The following LAPTM4B variants were observed in gnomAD, a reference collection of about 807,000 sequenced individuals.
LAPTM4B encodes lysosomal-associated transmembrane protein 4B.
LAPTM4B carries 26 observed loss-of-function variants against 28.5 expected under a neutral mutation model. The ratio of observed to expected loss-of-function variants is 0.91; its 90% confidence interval spans 0.67 to 1.27. The LOEUF is 1.27. Among genes scored for constraint, LAPTM4B ranks in the 50% most tolerant of loss-of-function variants. The pLI, the probability that LAPTM4B is intolerant of heterozygous loss-of-function variation, is 0.00. For missense variants in LAPTM4B, 288 were observed against 285.8 expected (o/e 1.01, Z -0.06); for synonymous variants, 109 against 106.4 (o/e 1.02, Z -0.15).
intron 6 of LAPTM4B, among the ~76,000 whole-genome samples, chr8:97,843,455 T>C (rs1817382065): frequency 6.6e-6 from 1 of 152,252 alleles, no homozygotes. Context: ...CCAAAACTTA[T>C]ATTTAACAAA....
intron 1 of LAPTM4B, among the ~76,000 whole-genome samples, chr8:97,788,574 A>G (rs1198262516): frequency 1.3e-5 from 2 of 152,110 alleles, no homozygotes; most frequent in Non-Finnish European, 2.9e-5. Context: ...TAACACCCAA[A>G]GTACACAGCC....
Position 97,823,359 on chromosome 8 carries a change from T to G in LAPTM4B, c.508-1699T>G, listed in dbSNP as rs577848405. Among the ~76,000 whole-genome samples the G allele has an allele frequency of 2.5e-3, 97 of 38,798 alleles. 2 individuals are homozygous for G. In the South Asian group the frequency reaches 0.061, roughly 24 times the overall value. The allele number at this position is 38,798 out of a possible 152,430, so 25.5% of individuals were successfully genotyped here. On this transcript the variant is annotated intron_variant, in intron 5 of 6. Coordinates refer to ENST00000521545, the MANE Select transcript of LAPTM4B (RefSeq NM_018407.6). ...ATACAATATGGTTTTTTTTTTTGTT[T>G]TTTTTTTGTTGTTGTTGTTGTTGTT...
intron 2 of LAPTM4B, among the ~76,000 whole-genome samples, chr8:97,814,938 C>T (rs1221389422): frequency 1.3e-5 from 2 of 152,116 alleles, no homozygotes; most frequent in African/African-American, 2.4e-5. Context: ...CGTGATCGCC[C>T]TCCTCGGCCT....
intron 6 of LAPTM4B, among the ~76,000 whole-genome samples, chr8:97,832,676 T>TTTTTATTTTATTTTATTTTA (rs201546146): frequency 0.047 from 5,304 of 112,748 alleles, 192 homozygotes; most frequent in African/African-American, 0.11. Flanking sequence ...TATTTATTTA[T>TTTTTATTTTATTTTATTTTA]TTTTATTTTA....
rs116946034 is a variant in LAPTM4B, at chr8:97,784,343, A to G, written c.99+8235A>G. Reference sequence around the variant, plus strand: ...ATTGTAAAAGACTAAATAGTAGGCTAAAGAGTTTGGATTTTATTCTGTAGG... The same window carrying G: ...ATTGTAAAAGACTAAATAGTAGGCTGAAGAGTTTGGATTTTATTCTGTAGG... On this transcript the variant is annotated intron_variant, in intron 1 of 6. Transcript: ENST00000521545. 1.0e-3 allele frequency among the ~76,000 whole-genome samples: 156 copies of G among 152,326 alleles called. 2 individuals are homozygous for G. The East Asian group carries it at 0.027, about 27-fold the overall frequency.
rs766820122 is a variant in LAPTM4B at position 97,776,155 on chromosome 8, C to G, written c.99+47C>G. On this transcript the variant is annotated intron_variant, in intron 1 of 6. Coordinates refer to ENST00000521545, the MANE Select transcript of LAPTM4B (RefSeq NM_018407.6). Reference sequence around the variant, plus strand: ...CGGGACCCTGCGTTGCTTCCGCGCCCCTAGCTGGGCTTCTGGCCCGGCCTC... The same window carrying G: ...CGGGACCCTGCGTTGCTTCCGCGCCGCTAGCTGGGCTTCTGGCCCGGCCTC... The G allele has an allele frequency of 5.3e-6, 8 of 1,503,252 alleles. No homozygotes were observed. The South Asian group carries it at 9.6e-5, about 18-fold the overall frequency. 93.1% of individuals were successfully genotyped at this position (1,503,252 alleles called of 1,614,324 possible). A position where few individuals can be genotyped will look rare whatever the true frequency, so the allele number is the denominator to read the frequency against.
At position 97,775,879 on chromosome 8, in the gene LAPTM4B, G is replaced by T; in HGVS notation, c.-131G>T. On this transcript the variant is annotated 5_prime_UTR_variant, in exon 1 of 7. Coordinates refer to ENST00000521545, the MANE Select transcript of LAPTM4B (RefSeq NM_018407.6). ...CGGGGTATCGAGGAGGCAGGCCCGC[G>T]GGCGCACGGGCGAGCGGGCCGGGAG... 1 of 1,484,242 alleles carries T rather than the reference G, an allele frequency of 6.7e-7. No homozygotes were observed. The allele number at this position is 1,484,242 out of a possible 1,614,324, so 91.9% of individuals were successfully genotyped here.
At chr8:97,845,855 T>TCCCCC (rs143775140) in intron 6 of LAPTM4B, among the ~76,000 whole-genome samples, 1 of 17,320 alleles carries the variant, frequency 5.8e-5, no homozygotes, top group Non-Finnish European at 1.4e-4. Context: ...CTTTTCCTTT[T>TCCCCC]CCCCCCCCTT....
At chr8:97,818,736 T>C (rs758072664) in intron 4 of LAPTM4B, among the ~76,000 whole-genome samples, 1 of 152,124 alleles carries the variant, frequency 6.6e-6, no homozygotes, top group Non-Finnish European at 1.5e-5. Context: ...TCTGGCTCTG[T>C]CGCCCGGGCG....
In LAPTM4B at chr8:97,850,476, G is replaced by GTGTGTGTGTGTGTGTA. The variant is rs151009828; in HGVS notation, c.604-908_604-907insGTATGTGTGTGTGTGT. On this transcript the variant is annotated intron_variant, in intron 6 of 6. Coordinates refer to ENST00000521545, the MANE Select transcript of LAPTM4B (RefSeq NM_018407.6). ...AGCTGGAGAGGAGGGGTGTGTGTGT[G>GTGTGTGTGTGTGTGTA]TGTGTGTGTGTGTTTGGGAGAGTGC... is the stretch of plus-strand genomic sequence containing the variant. Among the ~76,000 whole-genome samples the GTGTGTGTGTGTGTGTA allele has an allele frequency of 1.4e-3, 211 of 147,650 alleles. 1 individual carries two copies. Among genetic ancestry groups the GTGTGTGTGTGTGTGTA allele is most frequent in the East Asian group, 0.013 (64 of 5,010 alleles).
chr8:97,823,842 C>T (rs1253754413), intron 5 of LAPTM4B, among the ~76,000 whole-genome samples: 3 of 151,684 alleles, frequency 2.0e-5, no homozygotes, highest in Non-Finnish European at 4.4e-5. Flanking sequence ...GGACTACAGG[C>T]GCACGCTGCC....
At chr8:97,819,318 A>C (rs1816968978) in intron 5 of LAPTM4B, 80 bp downstream of exon 5, 3 of 836,128 alleles carry the variant, frequency 3.6e-6, no homozygotes, top group Non-Finnish European at 5.7e-6. Flanking sequence ...AACTTTGGTC[A>C]GTTTATTGTC....
chr8:97,829,310 G>A (rs1211723821), intron 6 of LAPTM4B, among the ~76,000 whole-genome samples: 1 of 152,158 alleles, frequency 6.6e-6, no homozygotes, highest in Admixed American at 6.5e-5. Flanking sequence ...GTTGAACGGG[G>A]GAGGGTAGCC....
intron 6 of LAPTM4B, among the ~76,000 whole-genome samples, chr8:97,829,224 A>G (rs1817140659): frequency 6.6e-6 from 1 of 152,170 alleles, no homozygotes; most frequent in Non-Finnish European, 1.5e-5. Flanking sequence ...AGCGCTTGGT[A>G]TCTACAAGTA....
intron 5 of LAPTM4B, among the ~76,000 whole-genome samples, chr8:97,823,951 C>T (rs373172625): frequency 2.2e-4 from 33 of 152,042 alleles, no homozygotes; most frequent in East Asian, 1.9e-4. Flanking sequence ...CCACCAGCCT[C>T]GGCCTCCCAA....
At chr8:97,816,489 G>A (rs982240831) in intron 4 of LAPTM4B, among the ~76,000 whole-genome samples, 4 of 151,954 alleles carry the variant, frequency 2.6e-5, no homozygotes, top group Admixed American at 6.6e-5. Flanking sequence ...TAGAGATGGG[G>A]TTTCACTGTG....
chr8:97,826,611 T>G (rs552805568), intron 6 of LAPTM4B, among the ~76,000 whole-genome samples: 2 of 152,188 alleles, frequency 1.3e-5, no homozygotes, highest in East Asian at 3.9e-4. Context: ...TGGGTTCAAG[T>G]GATTCTCCTG....
At chr8:97,843,711 CAG>C (rs1204997575) in intron 6 of LAPTM4B, among the ~76,000 whole-genome samples, 1 of 151,902 alleles carries the variant, frequency 6.6e-6, no homozygotes, top group East Asian at 1.9e-4. Flanking sequence ...ACCCAGGAGA[CAG>C]AGGTTGCATG....
chr8:97,828,319 G>C (rs1299834110), intron 6 of LAPTM4B, among the ~76,000 whole-genome samples: 1 of 152,130 alleles, frequency 6.6e-6, no homozygotes, highest in Non-Finnish European at 1.5e-5. Context: ...GAGACCCTGG[G>C]GCAGGGGGTG....
Sources: allele counts gnomAD v4.1 joint callset (sites outside exome capture counted in the v4.1 genomes callset), GRCh38; gene constraint gnomAD v4.1.1; transcripts MANE v1.5; gene names NCBI Gene and HGNC (gene_info 2026-07-23, HGNC 2026-07-21).